The following MCC variants were observed in gnomAD, a reference collection of about 807,000 sequenced individuals.
MCC encodes colorectal mutant cancer protein.
MCC carries 90 observed loss-of-function variants against 116.2 expected under a neutral mutation model. That is an observed-to-expected ratio of 0.77 (90% confidence interval 0.65 to 0.92). MCC has a LOEUF of 0.92. MCC is among the 40% of genes least tolerant of loss of function. The probability of loss-of-function intolerance (pLI) is 0.00; values close to 1 mark genes in which losing one functional copy is unlikely to be tolerated. For missense variants in MCC, 1,516 were observed against 1,312.2 expected (o/e 1.16, Z -2.40); for synonymous variants, 578 against 510.5 (o/e 1.13, Z -1.78).
intron 1 of MCC, among the ~76,000 whole-genome samples, chr5:113,409,939 T>C (rs1056473252): frequency 7.2e-6 from 1 of 138,326 alleles, no homozygotes; most frequent in Non-Finnish European, 1.5e-5. Flanking sequence ...TTTATAATCA[T>C]ATTTTCCATT....
chr5:113,128,727 C>G (rs571432308), intron 5 of MCC, among the ~76,000 whole-genome samples: 1 of 152,170 alleles, frequency 6.6e-6, no homozygotes, highest in Non-Finnish European at 1.5e-5. Flanking sequence ...ACAGACCACA[C>G]AGGAAAACAG....
At chr5:113,211,809 C>A (rs945554716) in intron 3 of MCC, among the ~76,000 whole-genome samples, 19 of 152,288 alleles carry the variant, frequency 1.2e-4, no homozygotes, top group Admixed American at 9.2e-4. Context: ...GTTTTTAGCA[C>A]ACTTGAATGA....
intron 3 of MCC, among the ~76,000 whole-genome samples, chr5:113,264,525 C>T (rs901743720): frequency 1.3e-5 from 2 of 152,158 alleles, no homozygotes; most frequent in African/African-American, 4.8e-5. Flanking sequence ...GAGCTATTCT[C>T]ATCCATCTCA....
chr5:113,204,951 C>G (rs1474279174), intron 3 of MCC, among the ~76,000 whole-genome samples: 1 of 152,122 alleles, frequency 6.6e-6, no homozygotes, highest in Non-Finnish European at 1.5e-5. Flanking sequence ...TGCAGTAACT[C>G]CCCCGTATTC....
intron 3 of MCC, among the ~76,000 whole-genome samples, chr5:113,295,917 G>C (rs905769433): frequency 6.6e-6 from 1 of 152,212 alleles, no homozygotes; most frequent in African/African-American, 2.4e-5. Flanking sequence ...GGCATATCCT[G>C]AAGCCTTCTG....
At chr5:113,127,997 C>A (rs1327854618) in intron 5 of MCC, among the ~76,000 whole-genome samples, 1 of 152,210 alleles carries the variant, frequency 6.6e-6, no homozygotes, top group East Asian at 1.9e-4. Flanking sequence ...AATGTCATGA[C>A]TGAAGGAAAA....
intron 3 of MCC, among the ~76,000 whole-genome samples, chr5:113,241,072 T>C (rs1273598475): frequency 6.6e-6 from 1 of 152,222 alleles, no homozygotes; most frequent in Non-Finnish European, 1.5e-5. Context: ...TGTGTCATTA[T>C]AGGTCATTTA....
At position 113,104,427 on chromosome 5, in the gene MCC, C is replaced by T. The variant is rs1581068377; in HGVS notation, c.1028-72G>A. On this transcript the variant is annotated intron_variant, in intron 6 of 18. Coordinates refer to ENST00000408903, the MANE Select transcript of MCC (RefSeq NM_001085377.2). Reference sequence around the variant, plus strand: ...TGTCTGTTTTGCTTACCATGAGGGACTCATTCAGGTAATGGGATGGCAATG... The same window carrying T: ...TGTCTGTTTTGCTTACCATGAGGGATTCATTCAGGTAATGGGATGGCAATG... The T allele has an allele frequency of 2.1e-6, 3 of 1,396,572 alleles. No individual in the cohort carries two copies. The East Asian group carries it at 7.1e-5, about 33-fold the overall frequency. The allele number at this position is 1,396,572 out of a possible 1,614,324, so 86.5% of individuals were successfully genotyped here. A position where few individuals can be genotyped will look rare whatever the true frequency, so the allele number is the denominator to read the frequency against.
intron 3 of MCC, among the ~76,000 whole-genome samples, chr5:113,276,673 C>G (rs11746532): frequency 0.13 from 19,544 of 152,064 alleles, 2,056 homozygotes; most frequent in Admixed American, 0.26. Flanking sequence ...GTTGCCCAGG[C>G]TGGAGTACAG....
At chr5:113,106,103 T>A (rs938190536) in intron 6 of MCC, among the ~76,000 whole-genome samples, 144 of 150,854 alleles carry the variant, frequency 9.5e-4, no homozygotes, top group African/African-American at 3.3e-3. Flanking sequence ...CCATCCACCT[T>A]CCCCTGTTCA....
chr5:113,141,322 G>A (rs1425131142), intron 5 of MCC, among the ~76,000 whole-genome samples: 1 of 152,206 alleles, frequency 6.6e-6, no homozygotes, highest in Admixed American at 6.5e-5. Context: ...CTTGGACTGA[G>A]TCATGCTGCC....
intron 3 of MCC, among the ~76,000 whole-genome samples, chr5:113,160,914 C>T (rs933031114): frequency 6.6e-6 from 1 of 152,080 alleles, no homozygotes; most frequent in African/African-American, 2.4e-5. Context: ...CTTACAAACA[C>T]CTAACTTTGC....
chr5:113,029,068 G>A lies in MCC; in HGVS notation c.2757-12C>T. ...TCAACTTCTTTTCTCTATATTAAAGGAGACAAAATATGCCAGGAGTAGTTT... is the reference window on the plus strand; with the variant it reads ...TCAACTTCTTTTCTCTATATTAAAGAAGACAAAATATGCCAGGAGTAGTTT... On this transcript the variant is annotated splice_polypyrimidine_tract_variant and intron_variant, in intron 17 of 18. Transcript: ENST00000408903. 2.5e-6 allele frequency: 4 copies of A among 1,604,052 alleles called. No homozygotes were observed. The highest frequency in any genetic ancestry group is 8.5e-7 in the Non-Finnish European group (1 of 1,173,694).
chr5:113,051,914 T>TACC (rs1752513276), intron 15 of MCC, among the ~76,000 whole-genome samples: 1 of 151,882 alleles, frequency 6.6e-6, no homozygotes, highest in African/African-American at 2.4e-5. Flanking sequence ...TGAGCACACA[T>TACC]CCCCAAGCAG....
chr5:113,425,970 C>T (rs1192781252), intron 1 of MCC, among the ~76,000 whole-genome samples: 5 of 151,990 alleles, frequency 3.3e-5, no homozygotes, highest in Non-Finnish European at 5.9e-5. Flanking sequence ...GTCTGGCAGC[C>T]GAGGGCGGAA....
chr5:113,083,979 T>C, intron 10 of MCC, 122 bp downstream of exon 10: 1 of 718,094 alleles, frequency 1.4e-6, no homozygotes, highest in South Asian at 1.8e-5. Flanking sequence ...TCAGGTATGA[T>C]TTACTATTAT....
intron 1 of MCC, among the ~76,000 whole-genome samples, chr5:113,393,725 G>A (rs1769457772): frequency 6.6e-6 from 1 of 152,116 alleles, no homozygotes; most frequent in Non-Finnish European, 1.5e-5. Context: ...TTTCTGCAAA[G>A]GCATTCATAA....
intron 3 of MCC, among the ~76,000 whole-genome samples, chr5:113,247,397 A>G (rs531679512): frequency 1.3e-5 from 2 of 152,358 alleles, no homozygotes; most frequent in African/African-American, 4.8e-5. Flanking sequence ...TTAAGTCAAC[A>G]GAAAACTAAG....
At chr5:113,121,727 C>G (rs972887622) in intron 6 of MCC, among the ~76,000 whole-genome samples, 2 of 152,158 alleles carry the variant, frequency 1.3e-5, no homozygotes, top group Admixed American at 6.5e-5. Flanking sequence ...AAGAAAAACT[C>G]ATTATAAAAC....
Sources: allele counts gnomAD v4.1 joint callset (sites outside exome capture counted in the v4.1 genomes callset), GRCh38; gene constraint gnomAD v4.1.1; transcripts MANE v1.5; gene names NCBI Gene and HGNC (gene_info 2026-07-23, HGNC 2026-07-21).